Variants in ACSL4 observed in about 807,000 individuals in gnomAD.
The protein encoded by ACSL4 is acyl-CoA synthetase long chain family member 4, also known as long-chain-fatty-acid--CoA ligase 4.
Under a neutral mutation model 49.1 loss-of-function variants are expected in ACSL4, and 9 were observed. That is an observed-to-expected ratio of 0.18 (90% CI 0.11 to 0.32). ACSL4 has a LOEUF of 0.32. Ranked by LOEUF, ACSL4 falls within the 10% of genes least tolerant of loss-of-function variation. The pLI is 1.00. For missense variants in ACSL4, 333 were observed against 493.7 expected (o/e 0.67, Z 3.08); for synonymous variants, 191 against 170.3 (o/e 1.12, Z -0.95).
rs190987079 is a variant in ACSL4, at chrX:109,720,414, A to C, written c.-66+12725T>G. On this transcript the variant is annotated intron_variant, in intron 1 of 15. Transcript: ENST00000672401. Reference sequence around the variant, plus strand: ...TTAAAATTAAGTCAATGTGTATATAAATTTTTAAAAACCTGCTTCCACATA... The same window carrying C: ...TTAAAATTAAGTCAATGTGTATATACATTTTTAAAAACCTGCTTCCACATA... Among the ~76,000 whole-genome samples, 3 of 111,732 alleles carry C rather than the reference A, an allele frequency of 2.7e-5. No homozygotes were observed. In the East Asian group the frequency reaches 8.4e-4, roughly 31 times the overall value.
chrX:109,679,715 T>C (rs999171859), intron 6 of ACSL4, among the ~76,000 whole-genome samples: 1 of 112,304 alleles, frequency 8.9e-6, no homozygotes, highest in Non-Finnish European at 1.9e-5. Context: ...CAAAAACATA[T>C]GTATCCTATC....
At chrX:109,678,642 C>T (rs1243527423) in intron 6 of ACSL4, among the ~76,000 whole-genome samples, 1 of 111,606 alleles carries the variant, frequency 9.0e-6, no homozygotes, top group Non-Finnish European at 1.9e-5. Context: ...CCAGCCTGGC[C>T]AACATGGCAA....
intron 1 of ACSL4, among the ~76,000 whole-genome samples, chrX:109,704,569 C>A (rs769224818): frequency 8.9e-6 from 1 of 111,898 alleles, no homozygotes; most frequent in East Asian, 2.8e-4. Context: ...CCAAAATAGG[C>A]TTTAAAGTAA....
intron 1 of ACSL4, among the ~76,000 whole-genome samples, chrX:109,701,934 G>A (rs1320747065): frequency 9.7e-6 from 1 of 102,684 alleles, no homozygotes; most frequent in African/African-American, 3.5e-5. Flanking sequence ...ACTGGGCCAG[G>A]CGTGGTGGCT....
chrX:109,682,149 T>C (rs1253751681), intron 4 of ACSL4, among the ~76,000 whole-genome samples: 1 of 112,124 alleles, frequency 8.9e-6, no homozygotes, highest in African/African-American at 3.2e-5. Context: ...TAACTTACAG[T>C]GTTATATTTC....
intron 1 of ACSL4, among the ~76,000 whole-genome samples, chrX:109,721,257 T>A (rs1271121510): frequency 3.6e-5 from 4 of 112,359 alleles, no homozygotes; most frequent in Non-Finnish European, 5.6e-5. Context: ...TACTAACATA[T>A]CCTGAAGCAC....
At chrX:109,719,442 C>T (rs181510727) in intron 1 of ACSL4, among the ~76,000 whole-genome samples, 150 of 111,948 alleles carry the variant, frequency 1.3e-3, no homozygotes, top group Middle Eastern at 4.6e-3. Context: ...TATCAACTCC[C>T]CTATTTTGTA....
At position 109,668,917 on chromosome X, in the gene ACSL4, T is replaced by C; in HGVS notation, c.1142+117A>G. On this transcript the variant is annotated intron_variant, in intron 10 of 15. Transcript: ENST00000672401. Reference sequence around the variant, plus strand: ...AGAATAAAAGAGAATTTCAACCTTATGATCATGGTGGTGATATTCAAATGA... The same window carrying C: ...AGAATAAAAGAGAATTTCAACCTTACGATCATGGTGGTGATATTCAAATGA... 3.4e-6 allele frequency: 2 copies of C among 592,935 alleles called. No individual in the cohort carries two copies. The highest frequency in any genetic ancestry group is 3.6e-5 in the East Asian group (1 of 27,812). 48.9% of individuals were successfully genotyped at this position (592,935 alleles called of 1,213,427 possible). A position where few individuals can be genotyped will look rare whatever the true frequency, so the allele number is the denominator to read the frequency against.
Position 109,659,420 on chromosome X carries a change from C to T in ACSL4, c.1789G>A (p.Asp597Asn). Residue 597 changes from aspartate to asparagine, a missense_variant, in exon 15 of 16, where the codon GAT becomes AAT. Asp to Asn is a conservative substitution (Grantham distance 23, BLOSUM62 1). Transcript: ENST00000672401. ...TCCATAGCAGGATTATTGCAGATAT[C>T]AACCCAAGTTCCTTCTACCCCTTTC... is the stretch of plus-strand genomic sequence containing the variant. ...QQKGVEGTWVDICNNPAMEAE... is the reference protein window; with the variant it reads ...QQKGVEGTWVNICNNPAMEAE... The T allele has an allele frequency of 1.7e-6, 2 of 1,208,260 alleles. No individual in the cohort carries two copies. The highest frequency in any genetic ancestry group is 2.2e-6 in the Non-Finnish European group (2 of 892,826).
intron 1 of ACSL4, among the ~76,000 whole-genome samples, chrX:109,727,336 T>C (rs1440775393): frequency 9.0e-6 from 1 of 111,380 alleles, no homozygotes; most frequent in Non-Finnish European, 1.9e-5. Context: ...CACATAGCAG[T>C]TTCAGGAGCA....
intron 2 of ACSL4, among the ~76,000 whole-genome samples, chrX:109,691,703 C>T (rs921531192): frequency 5.4e-5 from 6 of 112,031 alleles, no homozygotes; most frequent in Non-Finnish European, 1.1e-4. Flanking sequence ...CAAGATCTTT[C>T]ATCAGTCTGC....
At chrX:109,701,906 T>TAA (rs772972889) in intron 1 of ACSL4, among the ~76,000 whole-genome samples, 7 of 80,073 alleles carry the variant, frequency 8.7e-5, no homozygotes, top group Admixed American at 2.8e-4. Context: ...CAACTTGCTT[T>TAA]AAAAAAAAAA....
rs964976738 is a variant in ACSL4 at position 109,667,975 on chromosome X, T to G, written c.1315+126A>C. ...AAGAATTCATAAACCAAAACTACAC[T>G]GATTTGCAATGAATCTGATATTAGT... On this transcript the variant is annotated intron_variant, in intron 11 of 15. Transcript: ENST00000672401. 1.0e-5 allele frequency: 5 copies of G among 491,133 alleles called. No homozygotes were observed. In the African/African-American group the frequency reaches 1.2e-4, roughly 12 times the overall value. The allele number at this position is 491,133 out of a possible 1,213,427, so 40.5% of individuals were successfully genotyped here. A position where few individuals can be genotyped will look rare whatever the true frequency, so the allele number is the denominator to read the frequency against.
intron 1 of ACSL4, among the ~76,000 whole-genome samples, chrX:109,724,126 G>A (rs1049277411): frequency 4.5e-5 from 5 of 112,010 alleles, no homozygotes; most frequent in African/African-American, 1.6e-4. Context: ...AATTGGTTAT[G>A]TAATTTAAAA....
At chrX:109,722,133 A>G (rs1569443796) in intron 1 of ACSL4, among the ~76,000 whole-genome samples, 1 of 112,045 alleles carries the variant, frequency 8.9e-6, no homozygotes, top group Non-Finnish European at 1.9e-5. Context: ...GGAAAATAGT[A>G]AGTAACAAAA....
chrX:109,658,794 A>G lies in ACSL4; in HGVS notation c.1855+560T>C, dbSNP rs147080658. On this transcript the variant is annotated intron_variant, in intron 15 of 15. Transcript: ENST00000672401. Reference sequence around the variant, plus strand: ...ACCATGATTCTCTGTTCATCTCTCTATTGCTGTTAAGATTGTTGTCTCTCT... The same window carrying G: ...ACCATGATTCTCTGTTCATCTCTCTGTTGCTGTTAAGATTGTTGTCTCTCT... Among the ~76,000 whole-genome samples the G allele has an allele frequency of 8.1e-5, 9 of 111,338 alleles. No homozygotes were observed. In the East Asian group the frequency reaches 2.5e-3, roughly 31 times the overall value.
intron 15 of ACSL4, among the ~76,000 whole-genome samples, chrX:109,649,407 G>C (rs1934908345): frequency 9.0e-6 from 1 of 111,320 alleles, no homozygotes; most frequent in Non-Finnish European, 1.9e-5. Flanking sequence ...ACAAACCTAA[G>C]AAAAACAAGC....
chrX:109,674,749 A>G lies in ACSL4; in HGVS notation c.931-276T>C, dbSNP rs779573402. Among the ~76,000 whole-genome samples, 8 of 112,560 alleles carry G rather than the reference A, an allele frequency of 7.1e-5. No homozygotes were observed. The East Asian group carries it at 2.2e-3, about 31-fold the overall frequency. On this transcript the variant is annotated intron_variant, in intron 8 of 15. Transcript: ENST00000672401. ...TGTGATGAATCAAACATTCTTATTA[A>G]TAACATACTATCAAATATAGCACAG... is the stretch of plus-strand genomic sequence containing the variant.
chrX:109,664,812 T>G (rs1922497831), intron 12 of ACSL4, among the ~76,000 whole-genome samples: 1 of 111,999 alleles, frequency 8.9e-6, no homozygotes, highest in East Asian at 2.8e-4. Context: ...ATTATTTGTT[T>G]TATTTAACAA....
Sources: allele counts gnomAD v4.1 joint callset (sites outside exome capture counted in the v4.1 genomes callset), GRCh38; gene constraint gnomAD v4.1.1; transcripts MANE v1.5; gene names NCBI Gene and HGNC (gene_info 2026-07-23, HGNC 2026-07-21).